The following CNTN6 variants were observed in gnomAD, a reference collection of about 807,000 sequenced individuals.
CNTN6 encodes contactin 6, also known as contactin-6.
A neutral mutation model predicts 122.8 loss-of-function variants in CNTN6; 137 were observed. The ratio of observed to expected loss-of-function variants is 1.12; its 90% confidence interval spans 0.97 to 1.29. The LOEUF (loss-of-function observed/expected upper bound fraction) is 1.29. Ranked by LOEUF, CNTN6 falls within the 50% of genes most tolerant of loss-of-function variation. The pLI, the probability that CNTN6 is intolerant of heterozygous loss-of-function variation, is 0.00. For missense variants in CNTN6, 1,634 were observed against 1,223.4 expected (o/e 1.34, Z -5.01); for synonymous variants, 570 against 426.0 (o/e 1.34, Z -4.16).
intron 7 of CNTN6, among the ~76,000 whole-genome samples, chr3:1,312,299 C>G (rs192295278): frequency 6.6e-6 from 1 of 151,582 alleles, no homozygotes; most frequent in Admixed American, 6.6e-5. Context: ...TTTAAAGGTT[C>G]TTAAAAATCA....
chr3:1,265,134 C>T (rs1051679673), intron 4 of CNTN6, among the ~76,000 whole-genome samples: 5 of 144,548 alleles, frequency 3.5e-5, no homozygotes, highest in African/African-American at 7.7e-5. Context: ...TGATGATGGA[C>T]ACTTAACTTG....
chr3:1,388,411 T>C (rs1326956156), intron 20 of CNTN6, among the ~76,000 whole-genome samples: 1 of 150,814 alleles, frequency 6.6e-6, no homozygotes. Flanking sequence ...AACCCATCTG[T>C]ACATCACCAT....
At chr3:1,277,416 G>A (rs142147341) in intron 4 of CNTN6, among the ~76,000 whole-genome samples, 5,692 of 127,996 alleles carry the variant, frequency 0.044, 195 homozygotes, top group Middle Eastern at 0.081. Flanking sequence ...CTGGAGTACA[G>A]TGGCGCAATC....
At chr3:1,203,839 G>A (rs962129108) in intron 2 of CNTN6, among the ~76,000 whole-genome samples, 2 of 152,168 alleles carry the variant, frequency 1.3e-5, no homozygotes, top group African/African-American at 4.8e-5. Context: ...CCTATGAGAT[G>A]GTGGTAACTT....
chr3:1,103,321 A>G (rs2091049978), intron 1 of CNTN6, among the ~76,000 whole-genome samples: 1 of 152,224 alleles, frequency 6.6e-6, no homozygotes, highest in Non-Finnish European at 1.5e-5. Context: ...TAAATTTACC[A>G]CAAAAGTATA....
At chr3:1,328,739 C>T (rs563147732) in intron 10 of CNTN6, among the ~76,000 whole-genome samples, 2 of 151,632 alleles carry the variant, frequency 1.3e-5, no homozygotes, top group South Asian at 4.2e-4. Context: ...ATCTGAAAAG[C>T]CCAGAAGCAA....
chr3:1,250,896 TC>T (rs2094655535), intron 4 of CNTN6, among the ~76,000 whole-genome samples: 1 of 151,160 alleles, frequency 6.6e-6, no homozygotes, highest in African/African-American at 2.4e-5. Flanking sequence ...GATAGAGTCG[TC>T]CCATCTCCTC....
At chr3:1,268,522 G>T (rs1334051322) in intron 4 of CNTN6, among the ~76,000 whole-genome samples, 1 of 149,102 alleles carries the variant, frequency 6.7e-6, no homozygotes, top group Non-Finnish European at 1.5e-5. Flanking sequence ...CAGGAGAATG[G>T]CGTGAACCCG....
At chr3:1,103,088 A>G (rs1244100837) in intron 1 of CNTN6, among the ~76,000 whole-genome samples, 2 of 152,170 alleles carry the variant, frequency 1.3e-5, no homozygotes, top group South Asian at 2.1e-4. Context: ...CCTGGGCGAC[A>G]GAGCCAGACT....
Position 1,403,377 on chromosome 3 carries a change from A to G in CNTN6, c.3046A>G (p.Ile1016Val), listed in dbSNP as rs1695978994. 5 of 1,611,626 alleles carry G rather than the reference A, an allele frequency of 3.1e-6. No individual in the cohort carries two copies. In the East Asian group the frequency reaches 6.7e-5, roughly 22 times the overall value. ...EPSTHFLSIV[I>V]VIFHCFAIQP... The stretch of plus-strand genomic sequence containing the variant: ...TAGCACCCATTTTCTTTCCATTGTC[A>G]TTGTGATTTTTCACTGTTTTGCTAT... The change falls in exon 23 of 23, where the codon ATT (isoleucine) becomes GTT (valine). Residue 1016 changes from isoleucine to valine, a missense_variant. Physicochemically the swap from Ile to Val is conservative, Grantham distance 29. Coordinates refer to ENST00000446702, the MANE Select transcript of CNTN6 (RefSeq NM_001289080.2).
At chr3:1,225,932 A>G (rs1033337102) in intron 3 of CNTN6, among the ~76,000 whole-genome samples, 2 of 152,164 alleles carry the variant, frequency 1.3e-5, no homozygotes, top group African/African-American at 2.4e-5. Context: ...CATCTTTAAC[A>G]TGGTAGAGGA....
At chr3:1,354,410 A>G (rs1422603444) in intron 12 of CNTN6, among the ~76,000 whole-genome samples, 1 of 148,264 alleles carries the variant, frequency 6.7e-6, no homozygotes, top group Non-Finnish European at 1.5e-5. Flanking sequence ...TTGTTTGTTC[A>G]TTTCTAGTGC....
intron 11 of CNTN6, among the ~76,000 whole-genome samples, chr3:1,340,687 T>C (rs566542814): frequency 6.6e-6 from 1 of 152,254 alleles, no homozygotes; most frequent in East Asian, 1.9e-4. Context: ...TTTGTAAACC[T>C]AATTTTGTAG....
chr3:1,390,109 T>A lies in CNTN6; in HGVS notation c.2704+4312T>A, dbSNP rs984404311. 3.2e-4 allele frequency among the ~76,000 whole-genome samples: 48 copies of A among 151,452 alleles called. 2 individuals carry two copies. The highest frequency in any genetic ancestry group is 2.9e-5 in the Non-Finnish European group (2 of 67,990). On this transcript the variant is annotated intron_variant, in intron 20 of 22. Coordinates refer to ENST00000446702, the MANE Select transcript of CNTN6 (RefSeq NM_001289080.2). ...CACCACAAATCAACAGAATATAGAT[T>A]TTTTTCAGCACCACACCACACCTAT...
At chr3:1,332,385 C>T (rs985009416) in intron 11 of CNTN6, among the ~76,000 whole-genome samples, 4 of 151,862 alleles carry the variant, frequency 2.6e-5, no homozygotes, top group African/African-American at 9.7e-5. Flanking sequence ...ATCTATGCTT[C>T]TGTTTGTGTC....
In CNTN6 at chr3:1,183,450, T is replaced by C. The variant is rs72999854; in HGVS notation, c.55+35387T>C. Among the ~76,000 whole-genome samples the C allele has an allele frequency of 1.5e-3, 234 of 152,194 alleles. 1 individual carries two copies. The highest frequency in any genetic ancestry group is 5.3e-3 in the African/African-American group (219 of 41,562). On this transcript the variant is annotated intron_variant, in intron 2 of 22. Transcript: ENST00000446702. Reference sequence around the variant, plus strand: ...CAGGCTCTTGGCCATGACCATATTTTTTTTTTTCAGTATTAGTTAAGTACC... The same window carrying C: ...CAGGCTCTTGGCCATGACCATATTTCTTTTTTTCAGTATTAGTTAAGTACC...
At chr3:1,228,112 G>A in intron 4 of CNTN6, 119 bp downstream of exon 4, 1 of 870,656 alleles carries the variant, frequency 1.1e-6, no homozygotes, top group East Asian at 2.6e-5. Context: ...TGACTTTATG[G>A]GCTTTTGACA....
At chr3:1,115,768 T>TAAAC (rs954246781) in intron 1 of CNTN6, among the ~76,000 whole-genome samples, 4 of 151,568 alleles carry the variant, frequency 2.6e-5, no homozygotes, top group African/African-American at 9.7e-5. Flanking sequence ...AATAAATAAA[T>TAAAC]AAACAAACAA....
Position 1,332,628 on chromosome 3 carries a change from G to A in CNTN6, c.1364+2693G>A, listed in dbSNP as rs576389512. 2.3e-4 allele frequency among the ~76,000 whole-genome samples: 35 copies of A among 151,880 alleles called. 1 individual carries two copies. The highest frequency in any genetic ancestry group is 2.2e-3 in the Admixed American group (33 of 15,226). ...GGTCACTGCTGTTTACTATAGACGT[G>A]GTGTGATATAGTAAAAAGATTTCAG... is the stretch of plus-strand genomic sequence containing the variant. On this transcript the variant is annotated intron_variant, in intron 11 of 22. Coordinates refer to ENST00000446702, the MANE Select transcript of CNTN6 (RefSeq NM_001289080.2).
Sources: allele counts gnomAD v4.1 joint callset (sites outside exome capture counted in the v4.1 genomes callset), GRCh38; gene constraint gnomAD v4.1.1; transcripts MANE v1.5; gene names NCBI Gene and HGNC (gene_info 2026-07-23, HGNC 2026-07-21).